MAP2K5: variants seen among roughly 807,000 people sequenced by gnomAD.
MAP2K5 encodes mitogen-activated protein kinase kinase 5.
In MAP2K5, 49 loss-of-function variants were observed where a neutral mutation model predicts 83.1. The ratio of observed to expected loss-of-function variants is 0.59; its 90% confidence interval spans 0.47 to 0.75. MAP2K5 has a LOEUF of 0.75. MAP2K5 is among the 30% of genes least tolerant of loss of function. MAP2K5 has a pLI of 0.00. For synonymous variants in MAP2K5, 202 were observed against 191.8 expected (o/e 1.05, Z -0.44); for missense variants, 457 against 557.5 (o/e 0.82, Z 1.82).
At chr15:67,550,743 T>A (rs529671143) in intron 2 of MAP2K5, among the ~76,000 whole-genome samples, 3 of 150,826 alleles carry the variant, frequency 2.0e-5, no homozygotes, top group Non-Finnish European at 4.4e-5. Flanking sequence ...TTTTTTAAGA[T>A]GAGGGCTACT....
chr15:67,716,996 G>A (rs570441107), intron 16 of MAP2K5, among the ~76,000 whole-genome samples: 2 of 152,258 alleles, frequency 1.3e-5, no homozygotes, highest in South Asian at 2.1e-4. Flanking sequence ...TTTCTAGAAA[G>A]GTTAAGTGAA....
intron 6 of MAP2K5, among the ~76,000 whole-genome samples, chr15:67,589,665 CTTGCCTGGGCTT>C (rs2085355782): frequency 6.6e-6 from 1 of 152,046 alleles, no homozygotes. Context: ...ATGTAGAAAC[CTTGCCTGGGCTT>C]TGTTTGGTTA....
At position 67,698,498 on chromosome 15, in the gene MAP2K5, C is replaced by T. The variant is rs546289235; in HGVS notation, c.973-4839C>T. On this transcript the variant is annotated intron_variant, in intron 15 of 21. Transcript: ENST00000178640. This position sits in a 1 kb window ranked among gnomAD's most constrained non-coding sequence, Gnocchi z 4.5. Reference sequence around the variant, plus strand: ...AGCCACCACGCTCAGCCCAGAAATTCTAATTACTAAAAATTTTATTATGTT... The same window carrying T: ...AGCCACCACGCTCAGCCCAGAAATTTTAATTACTAAAAATTTTATTATGTT... 2.6e-5 allele frequency among the ~76,000 whole-genome samples: 4 copies of T among 152,196 alleles called. No individual in the cohort carries two copies. In the South Asian group the frequency reaches 8.3e-4, roughly 32 times the overall value.
intron 7 of MAP2K5, among the ~76,000 whole-genome samples, chr15:67,596,134 G>A (rs2085521515): frequency 6.6e-6 from 1 of 152,136 alleles, no homozygotes; most frequent in South Asian, 2.1e-4. Flanking sequence ...AAAGCCTCTA[G>A]AAAAACTTTT....
At chr15:67,613,055 A>T (rs1421352222) in intron 8 of MAP2K5, among the ~76,000 whole-genome samples, 1 of 152,192 alleles carries the variant, frequency 6.6e-6, no homozygotes, top group Non-Finnish European at 1.5e-5. Flanking sequence ...ACAATTCCCC[A>T]ATCATCTTTT....
At chr15:67,610,201 A>G (rs1348472407) in intron 8 of MAP2K5, among the ~76,000 whole-genome samples, 1 of 152,160 alleles carries the variant, frequency 6.6e-6, no homozygotes, top group African/African-American at 2.4e-5. Flanking sequence ...TATAAATTTG[A>G]AAGTCAATGA....
chr15:67,565,207 AT>A lies in MAP2K5; in HGVS notation c.252+1865del, dbSNP rs1284165901. On this transcript the variant is annotated intron_variant, in intron 3 of 21. Coordinates refer to ENST00000178640, the MANE Select transcript of MAP2K5 (RefSeq NM_145160.3). The surrounding 1 kb of genome is among the most constrained non-coding windows in gnomAD (Gnocchi z 4.1). The stretch of plus-strand genomic sequence containing the variant: ...TCTCCCCCACCTTCCTCTTTGCAGG[AT>A]TTTTTTTATGTCATCACTGTTATTT... 1.3e-5 allele frequency among the ~76,000 whole-genome samples: 2 copies of A among 151,576 alleles called. No homozygotes were observed.
At chr15:67,601,308 A>G (rs2085653565) in intron 8 of MAP2K5, among the ~76,000 whole-genome samples, 1 of 152,220 alleles carries the variant, frequency 6.6e-6, no homozygotes, top group Non-Finnish European at 1.5e-5. Flanking sequence ...CCCCAAAGGA[A>G]TGTTCATTTT....
intron 8 of MAP2K5, among the ~76,000 whole-genome samples, chr15:67,603,625 T>C (rs961976409): frequency 2.6e-5 from 4 of 152,236 alleles, no homozygotes; most frequent in African/African-American, 9.6e-5. Context: ...GGCATCATTT[T>C]TGCTCAGGCT....
rs187109782 is a variant in MAP2K5 at position 67,787,820 on chromosome 15, G to T, written c.1242+15068G>T. 2.9e-3 allele frequency among the ~76,000 whole-genome samples: 442 copies of T among 152,214 alleles called. 1 individual carries two copies. The highest frequency in any genetic ancestry group is 0.01 in the African/African-American group (426 of 41,526). ...AAATCACATGTTGACCTAACTGTAG[G>T]CTTTAACTGCATTGTCTGTCATATA... On this transcript the variant is annotated intron_variant, in intron 21 of 21. Transcript: ENST00000178640.
intron 12 of MAP2K5, among the ~76,000 whole-genome samples, chr15:67,661,495 A>C (rs1389870981): frequency 1.3e-5 from 2 of 152,118 alleles, no homozygotes; most frequent in Non-Finnish European, 1.5e-5. Context: ...AATACCAATA[A>C]TATCCTTTAG....
rs2087703999 is a variant in MAP2K5 at position 67,677,232 on chromosome 15, G to A, written c.847+12587G>A. On this transcript the variant is annotated intron_variant, in intron 13 of 21. Coordinates refer to ENST00000178640, the MANE Select transcript of MAP2K5 (RefSeq NM_145160.3). This position sits in a 1 kb window ranked among gnomAD's most constrained non-coding sequence, Gnocchi z 4.2. ...TTAGCTCATAAATATAATGCAGTTTGTTAAGGCTTAAGAGCTTTACTAGTC... is the reference window on the plus strand; with the variant it reads ...TTAGCTCATAAATATAATGCAGTTTATTAAGGCTTAAGAGCTTTACTAGTC... 6.6e-6 allele frequency among the ~76,000 whole-genome samples: 1 copy of A among 152,184 alleles called. No homozygotes were observed. Among genetic ancestry groups the A allele is most frequent in the African/African-American group, 2.4e-5 (1 of 41,442 alleles).
Position 67,577,464 on chromosome 15 carries a change from G to C in MAP2K5, c.253-3290G>C, listed in dbSNP as rs74023013. Reference sequence around the variant, plus strand: ...ATAGACCTGAAGATGAAGTTATTTGGATAACTTGAAGTAATATTATGAAGG... The same window carrying C: ...ATAGACCTGAAGATGAAGTTATTTGCATAACTTGAAGTAATATTATGAAGG... On this transcript the variant is annotated intron_variant, in intron 3 of 21. Coordinates refer to ENST00000178640, the MANE Select transcript of MAP2K5 (RefSeq NM_145160.3). This position sits in a 1 kb window ranked among gnomAD's most constrained non-coding sequence, Gnocchi z 4.1. Among the ~76,000 whole-genome samples the C allele has an allele frequency of 0.012, 1,890 of 152,230 alleles. 44 individuals carry two copies. Among genetic ancestry groups the C allele is most frequent in the African/African-American group, 0.043 (1,798 of 41,526 alleles).
chr15:67,622,959 G>A (rs1278714253), intron 8 of MAP2K5, among the ~76,000 whole-genome samples: 1 of 152,054 alleles, frequency 6.6e-6, no homozygotes, highest in Non-Finnish European at 1.5e-5. Flanking sequence ...AAAATTAGCC[G>A]GGCATGGTGG....
chr15:67,592,765 T>C (rs1381731091), intron 6 of MAP2K5, among the ~76,000 whole-genome samples, 161 bp from the exon 7 acceptor site: 1 of 152,166 alleles, frequency 6.6e-6, no homozygotes, highest in East Asian at 1.9e-4. Context: ...ACCTTTTGCA[T>C]TTGGCCAGTT....
At chr15:67,726,473 G>A (rs534867972) in intron 16 of MAP2K5, among the ~76,000 whole-genome samples, 7 of 152,284 alleles carry the variant, frequency 4.6e-5, no homozygotes, top group Non-Finnish European at 7.4e-5. Flanking sequence ...CCAAGATAAG[G>A]TGCATACTAA....
chr15:67,548,061 A>G (rs1318862604), intron 1 of MAP2K5, among the ~76,000 whole-genome samples: 1 of 152,190 alleles, frequency 6.6e-6, no homozygotes, highest in Non-Finnish European at 1.5e-5. Context: ...GAGCATGTGC[A>G]GTGCCTTGTT....
In MAP2K5 at chr15:67,543,386, G is replaced by T. The variant is rs780490183; in HGVS notation, c.51G>T (p.Leu17=). 30 of 1,614,074 alleles carry T rather than the reference G, an allele frequency of 1.9e-5. 2 individuals carry two copies. The South Asian group carries it at 3.2e-4, about 17-fold the overall frequency. The change falls in exon 1 of 22, where the codon CTG becomes CTT. Residue 17 remains leucine, a synonymous_variant. Transcript: ENST00000178640. The surrounding 1 kb of genome is among the most constrained non-coding windows in gnomAD (Gnocchi z 4.3). ...TTCCTGCCATGGAGAACCAGGTGCT[G>T]GTAATTCGCATCAAGATCCCAAATA... is the stretch of plus-strand genomic sequence containing the variant. ...GPFPAMENQV[L]VIRIKIPNSG...
intron 8 of MAP2K5, among the ~76,000 whole-genome samples, chr15:67,621,799 C>T (rs79230595): frequency 0.016 from 2,398 of 152,122 alleles, 39 homozygotes; most frequent in African/African-American, 0.034. Flanking sequence ...ACAAAAAAAA[C>T]GAAAGTGTGT....
Sources: gnomAD v4.1 joint callset for allele counts (sites outside exome capture counted in the v4.1 genomes callset) on GRCh38, gnomAD v4.1.1 for gene constraint, Gnocchi (gnomAD v3.1) non-coding constraint, MANE v1.5 for transcripts, NCBI Gene and HGNC (gene_info 2026-07-23, HGNC 2026-07-21) for gene names.